The following ATXN7L1 variants were observed in gnomAD, a reference collection of about 807,000 sequenced individuals.
ATXN7L1 encodes the protein ataxin 7 like 1.
In ATXN7L1, 15 loss-of-function variants were observed where a neutral mutation model predicts 70.8. The observed-to-expected ratio is 0.21, with a 90% CI of 0.14 to 0.33. The LOEUF is 0.33. ATXN7L1 is among the 10% of genes least tolerant of loss of function. The pLI is 1.00. For synonymous variants in ATXN7L1, 440 were observed against 445.1 expected (o/e 0.99, Z 0.14); for missense variants, 975 against 1,097.1 (o/e 0.89, Z 1.57).
intron 2 of ATXN7L1, among the ~76,000 whole-genome samples, chr7:105,871,090 T>G (rs1337853072): frequency 6.6e-6 from 1 of 151,568 alleles, no homozygotes; most frequent in Non-Finnish European, 1.5e-5. Context: ...TTGGGTTTTT[T>G]TTTTTTTTTT....
intron 3 of ATXN7L1, among the ~76,000 whole-genome samples, chr7:105,711,145 G>C (rs1229992418): frequency 6.6e-6 from 1 of 152,096 alleles, no homozygotes; most frequent in African/African-American, 2.4e-5. Context: ...TGGGGACACA[G>C]AGCCAAACCA....
At chr7:105,749,354 G>C (rs1490202670) in intron 3 of ATXN7L1, among the ~76,000 whole-genome samples, 1 of 151,934 alleles carries the variant, frequency 6.6e-6, no homozygotes, top group African/African-American at 2.4e-5. Context: ...TTCAAAAGAA[G>C]TTTGACAATA....
intron 2 of ATXN7L1, among the ~76,000 whole-genome samples, chr7:105,814,653 A>G (rs1808933755): frequency 1.3e-5 from 2 of 152,268 alleles, no homozygotes; most frequent in South Asian, 4.1e-4. Flanking sequence ...ATGCTTAGAA[A>G]TCCTTTAAAA....
intron 3 of ATXN7L1, among the ~76,000 whole-genome samples, chr7:105,733,888 T>TCCACCCATCCACCCACC (rs570136080): frequency 1.4e-3 from 95 of 69,982 alleles, no homozygotes; most frequent in Admixed American, 2.3e-3. Flanking sequence ...CCATCATCCA[T>TCCACCCATCCACCCACC]CATCCATCCA....
At position 105,657,702 on chromosome 7, in the gene ATXN7L1, C is replaced by CAA. The variant is rs71155465; in HGVS notation, c.578+7362_578+7363dup. 7.6e-3 allele frequency among the ~76,000 whole-genome samples: 198 copies of CAA among 26,060 alleles called. 18 individuals carry two copies. The highest frequency in any genetic ancestry group is 0.022 in the African/African-American group (133 of 5,948). 17.1% of individuals were successfully genotyped at this position (26,060 alleles called of 152,430 possible). On this transcript the variant is annotated intron_variant, in intron 4 of 11. Coordinates refer to ENST00000419735, the MANE Select transcript of ATXN7L1 (RefSeq NM_020725.2). ...TGGGTGACAGAGTGAGACCCTGTCT[C>CAA]AAAAAAAAAAAAAAAAAAAAAAAAA...
At chr7:105,846,671 A>T (rs1240991673) in intron 2 of ATXN7L1, among the ~76,000 whole-genome samples, 2 of 152,256 alleles carry the variant, frequency 1.3e-5, no homozygotes, top group East Asian at 3.8e-4. Flanking sequence ...TGCTCACAGC[A>T]GCACAATTCA....
chr7:105,671,115 A>G (rs1278535692), intron 3 of ATXN7L1, among the ~76,000 whole-genome samples: 1 of 129,964 alleles, frequency 7.7e-6, no homozygotes, highest in African/African-American at 2.7e-5. Context: ...AAAAAAAAAA[A>G]AAAAAAAAAA....
intron 9 of ATXN7L1, among the ~76,000 whole-genome samples, chr7:105,619,530 ATTTTTTTTTTTTTTTTTTTT>A (rs10593739): frequency 7.2e-4 from 11 of 15,210 alleles, no homozygotes; most frequent in African/African-American, 1.2e-3. Context: ...ATATATATAT[ATTTTTTTTTTTTTTTTTTTT>A]TTTTTTTTTT....
At chr7:105,805,544 G>A (rs749652498) in intron 2 of ATXN7L1, among the ~76,000 whole-genome samples, 2 of 152,188 alleles carry the variant, frequency 1.3e-5, no homozygotes, top group Non-Finnish European at 2.9e-5. Context: ...AAATGAATGC[G>A]ATGATTTATG....
intron 3 of ATXN7L1, among the ~76,000 whole-genome samples, chr7:105,681,222 C>A (rs956063808): frequency 1.3e-5 from 2 of 152,024 alleles, no homozygotes; most frequent in Admixed American, 6.5e-5. Flanking sequence ...GTCAGGAGTT[C>A]GAGACCAGCC....
intron 3 of ATXN7L1, 154 bp downstream of exon 3, chr7:105,788,450 A>G (rs1804644741): frequency 3.2e-6 from 2 of 629,370 alleles, no homozygotes; most frequent in East Asian, 5.5e-5. Context: ...CTCCTAAAAC[A>G]GCCTGCGAGC....
intron 2 of ATXN7L1, among the ~76,000 whole-genome samples, chr7:105,863,689 A>G (rs1252089848): frequency 6.6e-6 from 1 of 152,186 alleles, no homozygotes; most frequent in Non-Finnish European, 1.5e-5. Flanking sequence ...TACCTTGGGT[A>G]AATCACTTGA....
At position 105,845,202 on chromosome 7, in the gene ATXN7L1, C is replaced by T. The variant is rs568765352; in HGVS notation, c.250+30610G>A. On this transcript the variant is annotated intron_variant, in intron 2 of 11. Transcript: ENST00000419735. The stretch of plus-strand genomic sequence containing the variant: ...CCTGTGTGACAGAGCAAAACTCTGT[C>T]TCAAAAAAAAAAAAAAAAAAAAAAA... 3.2e-4 allele frequency among the ~76,000 whole-genome samples: 5 copies of T among 15,402 alleles called. No individual in the cohort carries two copies. In the Admixed American group the frequency reaches 4.6e-3, roughly 14 times the overall value. 10.1% of individuals were successfully genotyped at this position (15,402 alleles called of 152,430 possible). A position where few individuals can be genotyped will look rare whatever the true frequency, so the allele number is the denominator to read the frequency against.
intron 3 of ATXN7L1, among the ~76,000 whole-genome samples, chr7:105,763,226 T>C (rs1800772243): frequency 6.6e-6 from 1 of 152,220 alleles, no homozygotes; most frequent in Non-Finnish European, 1.5e-5. Flanking sequence ...TTCAATTCCC[T>C]TCTTAGGTTC....
chr7:105,710,351 T>C (rs1793733004), intron 3 of ATXN7L1, among the ~76,000 whole-genome samples: 1 of 151,676 alleles, frequency 6.6e-6, no homozygotes, highest in Non-Finnish European at 1.5e-5. Flanking sequence ...AAGCACGTCT[T>C]ACTATGGAGG....
intron 3 of ATXN7L1, among the ~76,000 whole-genome samples, chr7:105,676,428 G>A (rs757555158): frequency 6.6e-6 from 1 of 152,146 alleles, no homozygotes; most frequent in African/African-American, 2.4e-5. Flanking sequence ...AGCTGATATC[G>A]CCCCCAGAGC....
At chr7:105,688,113 C>G (rs79561367) in intron 3 of ATXN7L1, among the ~76,000 whole-genome samples, 2,753 of 152,268 alleles carry the variant, frequency 0.018, 40 homozygotes, top group Non-Finnish European at 0.025. Context: ...GCTAGACCAC[C>G]AGGTGGCCCA....
At chr7:105,770,162 T>TACCCCC (rs1801788339) in intron 3 of ATXN7L1, among the ~76,000 whole-genome samples, 1 of 152,212 alleles carries the variant, frequency 6.6e-6, no homozygotes, top group African/African-American at 2.4e-5. Flanking sequence ...TTTAAAAACT[T>TACCCCC]ACGGCAAAAG....
intron 3 of ATXN7L1, among the ~76,000 whole-genome samples, chr7:105,746,734 G>T (rs1045801022): frequency 1.3e-5 from 2 of 152,128 alleles, no homozygotes; most frequent in South Asian, 4.1e-4. Flanking sequence ...CCTTAGTACT[G>T]TATTTACTAG....
Sources: gnomAD v4.1 joint callset for allele counts (sites outside exome capture counted in the v4.1 genomes callset) on GRCh38, gnomAD v4.1.1 for gene constraint, MANE v1.5 for transcripts, NCBI Gene and HGNC (gene_info 2026-07-23, HGNC 2026-07-21) for gene names.